The following ZFP64 variants were observed in gnomAD, a reference collection of about 807,000 sequenced individuals.
ZFP64 encodes ZFP64 zinc finger protein, also known as zinc finger protein 64.
Under a neutral mutation model 51.6 loss-of-function variants are expected in ZFP64, and 14 were observed. The observed-to-expected ratio is 0.27, with a 90% CI of 0.18 to 0.42. The LOEUF (loss-of-function observed/expected upper bound fraction) is 0.42, where lower values mean the gene tolerates loss of function less well. ZFP64 is among the 10% of genes least tolerant of loss of function. The pLI, the probability that ZFP64 is intolerant of heterozygous loss-of-function variation, is 1.00. For synonymous variants in ZFP64, 375 were observed against 361.4 expected, an observed-to-expected ratio of 1.04 and a Z score of -0.43; for missense variants, 754 against 906.8, an observed-to-expected ratio of 0.83 and a Z score of 2.16.
At chr20:52,161,280 T>C (rs1981773519) in intron 4 of ZFP64, among the ~76,000 whole-genome samples, 1 of 152,182 alleles carries the variant, frequency 6.6e-6, no homozygotes, top group Non-Finnish European at 1.5e-5. Context: ...TGCTAACTTT[T>C]TGATGTATAT....
intron 5 of ZFP64, among the ~76,000 whole-genome samples, chr20:52,139,533 A>G (rs1261874056): frequency 6.6e-6 from 1 of 152,086 alleles, no homozygotes; most frequent in Non-Finnish European, 1.5e-5. Flanking sequence ...TGAGGGTTGA[A>G]AAACTTATTG....
chr20:52,117,926 G>A (rs1033692712), intron 5 of ZFP64, among the ~76,000 whole-genome samples: 2 of 151,876 alleles, frequency 1.3e-5, no homozygotes, highest in African/African-American at 4.8e-5. Context: ...TTCCTGCGTA[G>A]CTGGAACTAC....
At chr20:52,133,716 G>A (rs1979834122) in intron 5 of ZFP64, among the ~76,000 whole-genome samples, 1 of 152,120 alleles carries the variant, frequency 6.6e-6, no homozygotes, top group African/African-American at 2.4e-5. Flanking sequence ...CTGTGCCTTG[G>A]GTAGTGGTTT....
intron 1 of ZFP64, among the ~76,000 whole-genome samples, chr20:52,187,820 A>T (rs1264406466): frequency 6.6e-6 from 1 of 152,118 alleles, no homozygotes; most frequent in East Asian, 1.9e-4. Context: ...TCTTTTATCA[A>T]AGATAAAAGG....
intron 5 of ZFP64, among the ~76,000 whole-genome samples, chr20:52,111,798 C>G (rs2122816790): frequency 6.6e-6 from 1 of 152,140 alleles, no homozygotes; most frequent in South Asian, 2.1e-4. Context: ...AATCCTGGCT[C>G]TGGCTGGGCA....
intron 5 of ZFP64, among the ~76,000 whole-genome samples, chr20:52,109,097 A>C (rs777728903): frequency 6.6e-6 from 1 of 152,048 alleles, no homozygotes; most frequent in Non-Finnish European, 1.5e-5. Flanking sequence ...ACACATTACT[A>C]TATTGTACCT....
chr20:52,119,438 C>T (rs950949828), intron 5 of ZFP64, among the ~76,000 whole-genome samples: 13 of 150,450 alleles, frequency 8.6e-5, no homozygotes, highest in Non-Finnish European at 1.5e-4. Context: ...GCAGGAGAAT[C>T]GCTTGAACCC....
downstream of ZFP64, among the ~76,000 whole-genome samples, chr20:52,149,717 A>G (rs1450732616): frequency 6.6e-6 from 1 of 152,206 alleles, no homozygotes; most frequent in Non-Finnish European, 1.5e-5. Flanking sequence ...ACAACCAACA[A>G]ATCAAATATG....
chr20:52,110,245 T>G, intron 5 of ZFP64: 1 of 285,404 alleles, frequency 3.5e-6, no homozygotes, highest in Non-Finnish European at 6.4e-6. Flanking sequence ...GTACCACTTT[T>G]CCCACCAACC....
Position 52,165,866 on chromosome 20 carries a change from G to A in ZFP64, c.446C>T (p.Pro149Leu). The A allele has an allele frequency of 6.2e-7, 1 of 1,614,010 alleles. No individual in the cohort carries two copies. Among genetic ancestry groups the A allele is most frequent in the Non-Finnish European group, 8.5e-7 (1 of 1,179,910 alleles). Residue 149 changes from proline (P) to leucine (L), a missense_variant and splice_region_variant, in exon 3 of 6, where the codon CCA becomes CTA. Around this residue, in one of 3 missense-constraint regions of ZFP64, gnomAD observed 231 missense variants for 336.7 expected, o/e 0.69. Coordinates refer to ENST00000216923, the MANE Select transcript of ZFP64 (RefSeq NM_018197.3). ...PAQKRLNCCY[P>L]GCQFKTAYGM... ...GTAGGACATAATGCTGCCTTTACCT[G>A]GATAGCAACAGTTAAGCCTTTTCTG...
At chr20:52,181,888 C>G (rs577982106) in intron 2 of ZFP64, among the ~76,000 whole-genome samples, 48 of 152,242 alleles carry the variant, frequency 3.2e-4, no homozygotes, top group Admixed American at 1.8e-3. Context: ...GAAAACCAAT[C>G]TAATAAGTGT....
rs2122959239 is a variant in ZFP64, at chr20:52,153,073, G to A, written c.1119C>T (p.Cys373=). The A allele has an allele frequency of 1.2e-6, 2 of 1,614,158 alleles. No individual in the cohort carries two copies. The highest frequency in any genetic ancestry group is 1.7e-6 in the Non-Finnish European group (2 of 1,180,048). Residue 373 remains cysteine, a synonymous_variant, in exon 6 of 6, where the codon TGC becomes TGT. Transcript: ENST00000216923. This position sits in a 1 kb window ranked among gnomAD's most constrained non-coding sequence, Gnocchi z 5.1. ...GTTTGGTGTCGAAGCTGCAGTAGTT[G>A]CACTTGAAAGGGCGGTCGGTGCAGT... ...RIHCTDRPFK[C]NYCSFDTKQP... is the part of the protein sequence containing the mutation.
At position 52,152,515 on chromosome 20, in the gene ZFP64, G is replaced by T. The variant is rs898657352; in HGVS notation, c.1677C>A (p.Ser559Arg). Residue 559 changes from serine to arginine, a missense_variant, in exon 6 of 6, where the codon AGC becomes AGA. This residue lies in a region of ZFP64 where 428 missense variants were observed against 472.4 expected (regional missense o/e 0.91). Transcript: ENST00000216923. The stretch of plus-strand genomic sequence containing the variant: ...CCGGCTGGGTCATTGCGCCCGCCTC[G>T]CTCGGACACCGCGAGGACTGAGGGG... Reference protein sequence around the residue: ...IAPPQSSRCPSEAGAMTQPAV... With the variant: ...IAPPQSSRCPREAGAMTQPAV... 5 of 1,604,602 alleles carry T rather than the reference G, an allele frequency of 3.1e-6. No homozygotes were observed. The African/African-American group carries it at 5.3e-5, about 17-fold the overall frequency.
chr20:52,162,833 G>T (rs2123015811), intron 4 of ZFP64, among the ~76,000 whole-genome samples: 1 of 152,290 alleles, frequency 6.6e-6, no homozygotes, highest in East Asian at 1.9e-4. Context: ...GAGCCCTGTT[G>T]CTGTGGTTCC....
intron 5 of ZFP64, among the ~76,000 whole-genome samples, chr20:52,107,204 T>C (rs1051910144): frequency 2.0e-5 from 3 of 152,178 alleles, no homozygotes; most frequent in Non-Finnish European, 4.4e-5. Context: ...CATGGGGGGA[T>C]GGGAGACATC....
At chr20:52,188,308 C>CTTTTTTTT (rs1164512289) in intron 1 of ZFP64, among the ~76,000 whole-genome samples, 14 of 104,222 alleles carry the variant, frequency 1.3e-4, no homozygotes, top group Non-Finnish European at 2.4e-4. Flanking sequence ...CTTTTTCTTT[C>CTTTTTTTT]TTTTTTTTTT....
intron 2 of ZFP64, among the ~76,000 whole-genome samples, chr20:52,180,417 T>C (rs1983532009): frequency 6.6e-6 from 1 of 152,166 alleles, no homozygotes; most frequent in African/African-American, 2.4e-5. Flanking sequence ...TAGTTACAAT[T>C]GTGATACATG....
chr20:52,128,542 A>C (rs1302222811), intron 5 of ZFP64, among the ~76,000 whole-genome samples: 1 of 152,214 alleles, frequency 6.6e-6, no homozygotes. Context: ...AGTATTAATA[A>C]ATGTATACCT....
At chr20:52,136,138 GAACAACAAC>G (rs991389452) in intron 5 of ZFP64, among the ~76,000 whole-genome samples, 7 of 81,996 alleles carry the variant, frequency 8.5e-5, no homozygotes, top group Non-Finnish European at 2.0e-4. Flanking sequence ...CCAAAAAAAA[GAACAACAAC>G]AACAACAACA....
Sources: gnomAD v4.1 joint callset for allele counts (sites outside exome capture counted in the v4.1 genomes callset) on GRCh38, gnomAD v4.1.1 for gene constraint, gnomAD v4.1.1 regional missense constraint, Gnocchi (gnomAD v3.1) non-coding constraint, MANE v1.5 for transcripts, NCBI Gene and HGNC (gene_info 2026-07-23, HGNC 2026-07-21) for gene names.